The following NAALADL2 variants were observed in gnomAD, a reference collection of about 807,000 sequenced individuals.
NAALADL2 encodes the protein inactive N-acetylated-alpha-linked acidic dipeptidase-like protein 2.
In NAALADL2, 76 loss-of-function variants were observed where a neutral mutation model predicts 87.2. The ratio of observed to expected loss-of-function variants is 0.87; its 90% CI spans 0.72 to 1.05. NAALADL2 has a LOEUF of 1.05. Among genes scored for constraint, NAALADL2 ranks in the 50% least tolerant of loss-of-function variants. The probability of loss-of-function intolerance (pLI) is 0.00; values close to 1 mark genes in which losing one functional copy is unlikely to be tolerated. For missense variants in NAALADL2, 1,089 were observed against 945.8 expected, an observed-to-expected ratio of 1.15 and a Z score of -1.99; for synonymous variants, 354 against 331.0, an observed-to-expected ratio of 1.07 and a Z score of -0.75.
rs116821327 is a variant in NAALADL2, at chr3:175,335,008, A to T, written c.1090+10683A>T. Among the ~76,000 whole-genome samples the T allele has an allele frequency of 5.9e-3, 897 of 152,234 alleles. 10 individuals carry two copies. The highest frequency in any genetic ancestry group is 0.021 in the African/African-American group (857 of 41,534). On this transcript the variant is annotated intron_variant, in intron 5 of 13. Transcript: ENST00000454872. ...GACTGGATGACTGAGGCAAACCCTG[A>T]AAATCTTAACAGTGGGAAGCTATCT...
At chr3:175,390,754 T>C (rs1409824473) in intron 5 of NAALADL2, among the ~76,000 whole-genome samples, 2 of 152,122 alleles carry the variant, frequency 1.3e-5, no homozygotes, top group African/African-American at 4.8e-5. Context: ...AAAGAGGAAA[T>C]GTATACTCTA....
At chr3:174,498,837 A>G (rs1371401637) in intron 1 of NAALADL2, among the ~76,000 whole-genome samples, 1 of 151,814 alleles carries the variant, frequency 6.6e-6, no homozygotes, top group Non-Finnish European at 1.5e-5. Context: ...CCTAATGATT[A>G]CTGATGTCGA....
At chr3:175,014,635 A>C (rs1201638437) in intron 1 of NAALADL2, among the ~76,000 whole-genome samples, 1 of 152,140 alleles carries the variant, frequency 6.6e-6, no homozygotes, top group Non-Finnish European at 1.5e-5. Flanking sequence ...GTAAATTATA[A>C]TATACCAGAA....
At chr3:175,510,555 A>T (rs759073656) in intron 9 of NAALADL2, among the ~76,000 whole-genome samples, 1 of 152,232 alleles carries the variant, frequency 6.6e-6, no homozygotes, top group Non-Finnish European at 1.5e-5. Context: ...TTTTAAAAAA[A>T]TAACTGGTAT....
intron 9 of NAALADL2, among the ~76,000 whole-genome samples, chr3:175,507,811 G>A (rs186379031): frequency 2.8e-4 from 42 of 151,988 alleles, no homozygotes; most frequent in African/African-American, 2.2e-4. Context: ...TTTCCCCTCC[G>A]CACTCATGTA....
At chr3:174,500,192 CTT>C (rs557491655) in intron 1 of NAALADL2, among the ~76,000 whole-genome samples, 1 of 151,866 alleles carries the variant, frequency 6.6e-6, no homozygotes, top group African/African-American at 2.4e-5. Context: ...TTTCAGATGA[CTT>C]TTTTTTCTAA....
At chr3:174,677,165 A>G (rs1239301434) in intron 2 of NAALADL2, among the ~76,000 whole-genome samples, 1 of 151,980 alleles carries the variant, frequency 6.6e-6, no homozygotes, top group Admixed American at 6.6e-5. Flanking sequence ...TTTGGCATTT[A>G]TAATTTCCTT....
chr3:174,662,920 A>G (rs997275492), intron 2 of NAALADL2, among the ~76,000 whole-genome samples: 1 of 152,180 alleles, frequency 6.6e-6, no homozygotes, highest in Non-Finnish European at 1.5e-5. Context: ...ATGTATTGAA[A>G]TCTTACGTAT....
In NAALADL2 at chr3:174,557,311, A is replaced by G. The variant is rs889712826; in HGVS notation, c.-115+6674A>G. Among the ~76,000 whole-genome samples, 5 of 152,282 alleles carry G rather than the reference A, an allele frequency of 3.3e-5. No individual in the cohort carries two copies. The East Asian group carries it at 7.7e-4, about 24-fold the overall frequency. ...ACTTTATTTTTAAACTACTATGAATATTATATAGCACTGTGAACATAAAAA... is the reference window on the plus strand; with the variant it reads ...ACTTTATTTTTAAACTACTATGAATGTTATATAGCACTGTGAACATAAAAA... On this transcript the variant is annotated intron_variant, in intron 2 of 3. Transcript: ENST00000434257.
intron 2 of NAALADL2, among the ~76,000 whole-genome samples, chr3:174,612,080 G>A (rs1004213109): frequency 4.6e-5 from 7 of 152,088 alleles, no homozygotes; most frequent in African/African-American, 1.7e-4. Flanking sequence ...CACATTAAGA[G>A]TTTTATTTCC....
At chr3:175,665,193 G>A (rs1323541918) in intron 11 of NAALADL2, among the ~76,000 whole-genome samples, 3 of 152,130 alleles carry the variant, frequency 2.0e-5, no homozygotes, top group African/African-American at 7.2e-5. Flanking sequence ...AAATGAGATT[G>A]GTGTAATCAA....
chr3:175,755,219 G>A lies in NAALADL2; in HGVS notation c.1991-1G>A. The A allele has an allele frequency of 1.2e-6, 2 of 1,606,360 alleles. No individual in the cohort carries two copies. The highest frequency in any genetic ancestry group is 1.7e-6 in the Non-Finnish European group (2 of 1,177,554). On this transcript the variant is annotated splice_acceptor_variant, in intron 12 of 13. Transcript: ENST00000454872. LOFTEE classifies it high-confidence loss of function. ...GAGATGGGCTCATTTATCTTCACCA[G>A]GTGATCAACCCAACACTCATCAACT... is the stretch of plus-strand genomic sequence containing the variant.
chr3:174,455,196 A>T lies in NAALADL2; in HGVS notation c.-184+14164A>T, dbSNP rs115338898. ...CTACCAGAAAGAAAGTGAATCCCTGAACAGACCAATAACAAGCTCTGAAAG... is the reference window on the plus strand; with the variant it reads ...CTACCAGAAAGAAAGTGAATCCCTGTACAGACCAATAACAAGCTCTGAAAG... On this transcript the variant is annotated intron_variant, in intron 1 of 3. Transcript: ENST00000434257. 2.4e-3 allele frequency among the ~76,000 whole-genome samples: 363 copies of T among 152,292 alleles called. 2 individuals are homozygous for T. The highest frequency in any genetic ancestry group is 7.9e-3 in the African/African-American group (330 of 41,562).
chr3:174,979,024 A>T (rs2108642011), intron 1 of NAALADL2, among the ~76,000 whole-genome samples: 1 of 152,240 alleles, frequency 6.6e-6, no homozygotes, highest in Non-Finnish European at 1.5e-5. Context: ...GCCAGGAAGG[A>T]GTGATTATTG....
intron 3 of NAALADL2, among the ~76,000 whole-genome samples, chr3:174,805,971 G>A (rs1395837905): frequency 6.6e-6 from 1 of 152,098 alleles, no homozygotes; most frequent in African/African-American, 2.4e-5. Flanking sequence ...TCTTGACTAT[G>A]TGCTAGTGTG....
At chr3:175,165,383 C>T (rs952081663) in intron 2 of NAALADL2, among the ~76,000 whole-genome samples, 2 of 152,000 alleles carry the variant, frequency 1.3e-5, no homozygotes, top group African/African-American at 2.4e-5. Context: ...GTAAATCAAT[C>T]CATCTATAAA....
intron 2 of NAALADL2, among the ~76,000 whole-genome samples, chr3:175,218,735 A>G (rs747108489): frequency 1.3e-5 from 2 of 152,082 alleles, no homozygotes; most frequent in Non-Finnish European, 2.9e-5. Flanking sequence ...GGTGTTGCAT[A>G]TAAAATATTA....
At chr3:174,797,280 C>CTT (rs1363097872) in intron 3 of NAALADL2, among the ~76,000 whole-genome samples, 4 of 101,560 alleles carry the variant, frequency 3.9e-5, no homozygotes, top group Admixed American at 9.0e-5. Context: ...TTTCTGGGAT[C>CTT]TTTTTTCTTT....
chr3:175,614,508 T>C (rs1243799244), intron 10 of NAALADL2, among the ~76,000 whole-genome samples: 1 of 152,224 alleles, frequency 6.6e-6, no homozygotes, highest in Non-Finnish European at 1.5e-5. Flanking sequence ...TTCTAGCAGG[T>C]AGTATTTAGC....
Sources: gnomAD v4.1 joint callset for allele counts (sites outside exome capture counted in the v4.1 genomes callset) on GRCh38, gnomAD v4.1.1 for gene constraint, MANE v1.5 for transcripts, NCBI Gene and HGNC (gene_info 2026-07-23, HGNC 2026-07-21) for gene names.